Variants in ESR1 observed in about 807,000 individuals in gnomAD.
ESR1 encodes the protein estrogen receptor 1.
In ESR1, 12 loss-of-function variants were observed where a neutral mutation model predicts 52.7. The ratio of observed to expected loss-of-function variants is 0.23; its 90% confidence interval spans 0.15 to 0.37. ESR1 has a LOEUF of 0.37. Ranked by LOEUF, ESR1 falls within the 10% of genes least tolerant of loss-of-function variation. The pLI is 1.00. For synonymous variants in ESR1, 305 were observed against 316.8 expected, an observed-to-expected ratio of 0.96 and a Z score of 0.39; for missense variants, 584 against 779.7, an observed-to-expected ratio of 0.75 and a Z score of 2.99.
Position 151,944,188 on chromosome 6 carries a change from G to A in ESR1, c.776G>A (p.Arg259Gln), listed in dbSNP as rs866869178. 7.4e-6 allele frequency: 12 copies of A among 1,613,732 alleles called. No homozygotes were observed. The highest frequency in any genetic ancestry group is 2.2e-5 in the East Asian group (1 of 44,902). Reference protein sequence around the residue: ...GMMKGGIRKDRRGGRMLKHKR... With the variant: ...GMMKGGIRKDQRGGRMLKHKR... ...GTGTTTTCAGGGATACGAAAAGACC[G>A]AAGAGGAGGGAGAATGTTGAAACAC... Residue 259 changes from arginine to glutamine, a missense_variant, in exon 4 of 8, where the codon CGA (arginine) becomes CAA (glutamine). Transcript: ENST00000206249.
chr6:152,017,702 A>G (rs2043270468), intron 5 of ESR1, among the ~76,000 whole-genome samples: 1 of 152,116 alleles, frequency 6.6e-6, no homozygotes, highest in Admixed American at 6.6e-5. Flanking sequence ...TGAAAACAGG[A>G]GCAAAAGTGT....
chr6:151,933,909 C>G (rs2034029174), intron 3 of ESR1, among the ~76,000 whole-genome samples: 1 of 152,190 alleles, frequency 6.6e-6, no homozygotes. Flanking sequence ...CAATGGCTTC[C>G]TAACTTATTT....
At chr6:151,916,297 AC>A (rs1214711276) in intron 3 of ESR1, among the ~76,000 whole-genome samples, 1 of 152,168 alleles carries the variant, frequency 6.6e-6, no homozygotes, top group Non-Finnish European at 1.5e-5. Flanking sequence ...GGGTAATACT[AC>A]TGTCCTTGGT....
intron 4 of ESR1, among the ~76,000 whole-genome samples, chr6:151,992,034 A>G (rs1055514804): frequency 9.2e-5 from 14 of 152,126 alleles, no homozygotes; most frequent in African/African-American, 1.7e-4. Flanking sequence ...AGGCTTCTGT[A>G]TTACTGCATC....
intron 3 of ESR1, among the ~76,000 whole-genome samples, chr6:151,898,443 G>C (rs548180244): frequency 7.1e-6 from 1 of 140,022 alleles, no homozygotes. Context: ...GGTGTTTCTC[G>C]CAGAGGGGGA....
intron 1 of ESR1, among the ~76,000 whole-genome samples, chr6:151,831,632 T>G (rs11964207): frequency 0.01 from 1,589 of 152,296 alleles, 27 homozygotes; most frequent in African/African-American, 0.037. Context: ...GACTCCCTGT[T>G]TTCTGATTGT....
chr6:151,875,950 G>T lies in ESR1; in HGVS notation c.644-4705G>T, dbSNP rs143389646. Among the ~76,000 whole-genome samples the T allele has an allele frequency of 4.1e-4, 63 of 152,258 alleles. 1 individual carries two copies. The East Asian group carries it at 0.012, about 29-fold the overall frequency. On this transcript the variant is annotated intron_variant, in intron 2 of 7. Coordinates refer to ENST00000206249, the MANE Select transcript of ESR1 (RefSeq NM_000125.4). ...AGTGGCCTGATGGCGTATGATTTTA[G>T]GAAAAATCACTGTGGCCACCCTGTG...
chr6:152,019,285 G>A (rs577587882), intron 5 of ESR1, among the ~76,000 whole-genome samples: 5 of 152,078 alleles, frequency 3.3e-5, no homozygotes, highest in Admixed American at 6.6e-5. Flanking sequence ...AGGCACACAC[G>A]TACACACACA....
intron 2 of ESR1, among the ~76,000 whole-genome samples, chr6:151,782,246 A>T (rs952036554): frequency 6.6e-6 from 1 of 152,230 alleles, no homozygotes; most frequent in African/African-American, 2.4e-5. Context: ...TTTTTTATTT[A>T]TGAAACTAAT....
At chr6:151,835,380 T>C (rs1042890356) in intron 1 of ESR1, among the ~76,000 whole-genome samples, 2 of 152,084 alleles carry the variant, frequency 1.3e-5, no homozygotes, top group African/African-American at 4.8e-5. Context: ...AAATATCATC[T>C]GAGAATGGCA....
intron 3 of ESR1, among the ~76,000 whole-genome samples, chr6:151,909,346 G>T (rs1797912800): frequency 6.6e-6 from 1 of 152,358 alleles, no homozygotes; most frequent in Non-Finnish European, 1.5e-5. Flanking sequence ...GAATCTGGTT[G>T]TGGGACCAAG....
intron 2 of ESR1, among the ~76,000 whole-genome samples, chr6:151,857,757 G>A (rs553869373): frequency 6.6e-6 from 1 of 152,172 alleles, no homozygotes; most frequent in East Asian, 1.9e-4. Flanking sequence ...TCGAACTCCT[G>A]ACCTCAAGTG....
intron 5 of ESR1, among the ~76,000 whole-genome samples, chr6:152,020,772 A>G (rs1473074923): frequency 1.3e-5 from 2 of 152,202 alleles, no homozygotes; most frequent in East Asian, 3.9e-4. Flanking sequence ...AATTTGATGA[A>G]TGGATAGAGG....
intron 1 of ESR1, among the ~76,000 whole-genome samples, chr6:151,841,232 A>T (rs772155432): frequency 1.2e-4 from 18 of 152,168 alleles, no homozygotes; most frequent in Non-Finnish European, 2.4e-4. Flanking sequence ...CATTCTAAAA[A>T]ATTCATTTTC....
At chr6:151,998,610 C>A (rs1418197950) in intron 4 of ESR1, among the ~76,000 whole-genome samples, 2 of 152,030 alleles carry the variant, frequency 1.3e-5, no homozygotes, top group African/African-American at 4.8e-5. Context: ...TTCACTCAAC[C>A]AATTACATTT....
intron 2 of ESR1, among the ~76,000 whole-genome samples, chr6:151,720,418 G>GAT (rs1303619012): frequency 6.6e-6 from 1 of 152,172 alleles, no homozygotes; most frequent in Admixed American, 6.5e-5. Flanking sequence ...TCTTTAAACA[G>GAT]ATATATAGCA....
intron 3 of ESR1, among the ~76,000 whole-genome samples, chr6:151,938,065 T>G (rs192294973): frequency 1.3e-5 from 2 of 152,314 alleles, no homozygotes; most frequent in Non-Finnish European, 2.9e-5. Flanking sequence ...AACCTCTTAG[T>G]GTATTTCTTT....
Position 151,908,714 on chromosome 6 carries a change from C to T in ESR1, c.760+27943C>T, listed in dbSNP as rs145991866. ...TTTCTTTTGAAGGTAACTGAGACAG[C>T]GCCAAATAAGGAGCAGAGTTTCTGT... is the stretch of plus-strand genomic sequence containing the variant. On this transcript the variant is annotated intron_variant, in intron 3 of 7. Coordinates refer to ENST00000206249, the MANE Select transcript of ESR1 (RefSeq NM_000125.4). 3.6e-4 allele frequency among the ~76,000 whole-genome samples: 55 copies of T among 152,110 alleles called. No individual in the cohort carries two copies. The East Asian group carries it at 7.5e-3, about 21-fold the overall frequency.
At chr6:152,018,770 T>C (rs1006537871) in intron 5 of ESR1, among the ~76,000 whole-genome samples, 3 of 152,052 alleles carry the variant, frequency 2.0e-5, no homozygotes, top group African/African-American at 7.3e-5. Flanking sequence ...CTTGTCTCCA[T>C]TCATACCTCA....
Sources: allele counts gnomAD v4.1 joint callset (sites outside exome capture counted in the v4.1 genomes callset), GRCh38; gene constraint gnomAD v4.1.1; transcripts MANE v1.5; gene names NCBI Gene and HGNC (gene_info 2026-07-23, HGNC 2026-07-21).